The following PDE11A variants were observed in gnomAD, a reference collection of about 807,000 sequenced individuals.
PDE11A encodes the protein phosphodiesterase 11A, also known as dual 3',5'-cyclic-AMP and -GMP phosphodiesterase 11A.
PDE11A carries 100 observed loss-of-function variants against 100.5 expected under a neutral mutation model. The observed-to-expected ratio is 1.00, with a 90% CI of 0.85 to 1.18. The LOEUF (loss-of-function observed/expected upper bound fraction) is 1.18, where lower values mean the gene tolerates loss of function less well. Ranked by LOEUF, PDE11A falls within the 50% of genes most tolerant of loss-of-function variation. The pLI, the probability that PDE11A is intolerant of heterozygous loss-of-function variation, is 0.00. For missense variants in PDE11A, 1,141 were observed against 1,152.6 expected (o/e 0.99, Z 0.15); for synonymous variants, 381 against 420.8 (o/e 0.91, Z 1.16).
chr2:178,055,894 GA>G (rs545817036), intron 1 of PDE11A, among the ~76,000 whole-genome samples: 5 of 151,392 alleles, frequency 3.3e-5, no homozygotes, highest in South Asian at 2.1e-4. Context: ...TTCTAGGAAA[GA>G]AAAAAAAGTA....
chr2:177,771,652 A>T (rs1485134265), intron 9 of PDE11A, among the ~76,000 whole-genome samples: 1 of 152,248 alleles, frequency 6.6e-6, no homozygotes, highest in African/African-American at 2.4e-5. Context: ...GTGTATTATA[A>T]GATCTGCAGC....
intron 7 of PDE11A, among the ~76,000 whole-genome samples, chr2:177,819,938 A>C (rs1398023215): frequency 8.2e-6 from 1 of 121,516 alleles, no homozygotes; most frequent in Non-Finnish European, 1.7e-5. Flanking sequence ...CTCTGCCTCT[A>C]TTTCCACAGG....
At chr2:177,817,809 C>A in intron 8 of PDE11A, 49 bp downstream of exon 8, 1 of 837,022 alleles carries the variant, frequency 1.2e-6, no homozygotes, top group Non-Finnish European at 2.1e-6. Flanking sequence ...CAAGCTGCAA[C>A]CAGGGGACTA....
At chr2:177,694,336 A>G (rs2081080617) in intron 15 of PDE11A, among the ~76,000 whole-genome samples, 1 of 152,220 alleles carries the variant, frequency 6.6e-6, no homozygotes, top group Admixed American at 6.5e-5. Flanking sequence ...TTTGAGGAAA[A>G]TAACACAAGA....
Position 177,639,468 on chromosome 2 carries a change from TC to T in PDE11A, c.2647-9907del, listed in dbSNP as rs542682183. Among the ~76,000 whole-genome samples, 203 of 152,178 alleles carry T rather than the reference TC, an allele frequency of 1.3e-3. 2 individuals carry two copies. The highest frequency in any genetic ancestry group is 4.7e-3 in the African/African-American group (197 of 41,514). ...GAAGCAGCAGCCTCTCCTCCATTCT[TC>T]CCCATAGAACAGTGGCAGGAAGAAG... On this transcript the variant is annotated intron_variant, in intron 19 of 19. Coordinates refer to ENST00000286063, the MANE Select transcript of PDE11A (RefSeq NM_016953.4).
intron 2 of PDE11A, 52 bp downstream of exon 2, chr2:178,014,250 C>A: frequency 7.4e-7 from 1 of 1,344,600 alleles, no homozygotes; most frequent in Non-Finnish European, 1.1e-6. Flanking sequence ...AGGAGAATAG[C>A]AATCAATGAC....
chr2:178,034,936 T>G (rs1321496045), intron 1 of PDE11A, among the ~76,000 whole-genome samples: 1 of 152,028 alleles, frequency 6.6e-6, no homozygotes, highest in Non-Finnish European at 1.5e-5. Context: ...AGATCTAAAA[T>G]CGGCACCCTA....
At chr2:178,080,746 T>A (rs1389159373) in intron 2 of PDE11A, among the ~76,000 whole-genome samples, 2 of 152,120 alleles carry the variant, frequency 1.3e-5, no homozygotes, top group Non-Finnish European at 2.9e-5. Flanking sequence ...ATTAGTCTCA[T>A]CTGTTATTTA....
intron 19 of PDE11A, among the ~76,000 whole-genome samples, chr2:177,656,972 G>A (rs1386939737): frequency 1.3e-5 from 2 of 152,152 alleles, no homozygotes; most frequent in African/African-American, 4.8e-5. Context: ...GGGGGTTTCC[G>A]AATGCTATAC....
At chr2:177,965,669 T>C (rs547196691) in intron 2 of PDE11A, among the ~76,000 whole-genome samples, 1 of 152,300 alleles carries the variant, frequency 6.6e-6, no homozygotes, top group South Asian at 2.1e-4. Flanking sequence ...CAGATAGTTG[T>C]AGGTGTGTGG....
Position 177,663,951 on chromosome 2 carries a change from T to C in PDE11A, c.2563-2A>G, listed in dbSNP as rs1271517659. On this transcript the variant is annotated splice_acceptor_variant, in intron 18 of 19. Transcript: ENST00000286063. LOFTEE classifies it high-confidence loss of function. ...CTTCCGGTTCCGATCAAAAATTGCC[T>C]AGAATGGGGGGCAGGAAGAACCTCG... The C allele has an allele frequency of 3.1e-6, 5 of 1,602,114 alleles. No individual in the cohort carries two copies. Among genetic ancestry groups the C allele is most frequent in the Non-Finnish European group, 4.3e-6 (5 of 1,169,236 alleles).
chr2:177,937,720 C>A (rs576309249), intron 2 of PDE11A, among the ~76,000 whole-genome samples: 36 of 152,222 alleles, frequency 2.4e-4, no homozygotes, highest in Non-Finnish European at 4.9e-4. Context: ...ATGGGAAGAG[C>A]AAGAACACTT....
In PDE11A at chr2:177,741,690, T is replaced by C. The variant is rs144868004; in HGVS notation, c.1789-13518A>G. Among the ~76,000 whole-genome samples the C allele has an allele frequency of 2.2e-3, 328 of 152,276 alleles. 1 individual carries two copies. Among genetic ancestry groups the C allele is most frequent in the Middle Eastern group, 0.01 (3 of 294 alleles). On this transcript the variant is annotated intron_variant, in intron 10 of 19. Transcript: ENST00000286063. ...CACCATATTCACTCTTGGAAAGAAATATATTCAATATGGGGTTATCCAAGA... is the reference window on the plus strand; with the variant it reads ...CACCATATTCACTCTTGGAAAGAAACATATTCAATATGGGGTTATCCAAGA...
intron 5 of PDE11A, among the ~76,000 whole-genome samples, chr2:177,850,644 A>G (rs2083684760): frequency 6.6e-6 from 1 of 152,222 alleles, no homozygotes; most frequent in Non-Finnish European, 1.5e-5. Context: ...CATCTGACAA[A>G]GGGCTAATAT....
chr2:178,093,466 A>G (rs1455623945), intron 2 of PDE11A, among the ~76,000 whole-genome samples: 1 of 152,172 alleles, frequency 6.6e-6, no homozygotes, highest in Non-Finnish European at 1.5e-5. Context: ...ATCAAAATCC[A>G]TGATTTCAAA....
intron 4 of PDE11A, among the ~76,000 whole-genome samples, chr2:177,884,235 G>A (rs1431390857): frequency 6.6e-6 from 1 of 152,122 alleles, no homozygotes; most frequent in Admixed American, 6.5e-5. Flanking sequence ...TCCAGAATTG[G>A]CTATCCTCAA....
chr2:177,795,481 A>T (rs2082693550), intron 9 of PDE11A, among the ~76,000 whole-genome samples: 2 of 152,210 alleles, frequency 1.3e-5, no homozygotes, highest in African/African-American at 4.8e-5. Flanking sequence ...CACAGAGTTT[A>T]TCAATATATG....
At chr2:177,934,776 T>C (rs1232519773) in intron 2 of PDE11A, among the ~76,000 whole-genome samples, 5 of 152,206 alleles carry the variant, frequency 3.3e-5, no homozygotes, top group East Asian at 3.8e-4. Context: ...AAATGTGATA[T>C]ATATACACCA....
At chr2:177,747,420 G>A (rs1385906974) in intron 10 of PDE11A, among the ~76,000 whole-genome samples, 3 of 152,140 alleles carry the variant, frequency 2.0e-5, no homozygotes, top group Admixed American at 6.5e-5. Context: ...TCCAGCCTCC[G>A]TGCACCTCAA....
Sources: allele counts gnomAD v4.1 joint callset (sites outside exome capture counted in the v4.1 genomes callset), GRCh38; gene constraint gnomAD v4.1.1; transcripts MANE v1.5; gene names NCBI Gene and HGNC (gene_info 2026-07-23, HGNC 2026-07-21).